The following SUSD6 variants were observed in gnomAD, a reference collection of about 807,000 sequenced individuals.
SUSD6 encodes the protein sushi domain-containing protein 6.
SUSD6 carries 16 observed loss-of-function variants against 28.4 expected under a neutral mutation model. The observed-to-expected ratio is 0.56, with a 90% confidence interval of 0.38 to 0.86. SUSD6 has a LOEUF of 0.86. Among genes scored for constraint, SUSD6 ranks in the 40% least tolerant of loss-of-function variants. SUSD6 has a pLI of 0.00. For missense variants in SUSD6, 341 were observed against 384.2 expected, an observed-to-expected ratio of 0.89 and a Z score of 0.94; for synonymous variants, 147 against 159.6, an observed-to-expected ratio of 0.92 and a Z score of 0.59.
At chr14:69,614,961 C>A (rs180745573) in intron 1 of SUSD6, among the ~76,000 whole-genome samples, 8 of 152,322 alleles carry the variant, frequency 5.3e-5, no homozygotes, top group Admixed American at 4.6e-4. Context: ...GACATGCTAT[C>A]TCCTAGTTGA....
At chr14:69,666,384 A>G (rs548664023) in intron 2 of SUSD6, among the ~76,000 whole-genome samples, 2 of 152,320 alleles carry the variant, frequency 1.3e-5, no homozygotes, top group East Asian at 3.9e-4. Context: ...TTTGTTAGGA[A>G]CATTTGGAGT....
intron 2 of SUSD6, among the ~76,000 whole-genome samples, chr14:69,686,299 TA>T (rs1886072367): frequency 6.6e-6 from 1 of 152,208 alleles, no homozygotes; most frequent in South Asian, 2.1e-4. Flanking sequence ...TATAATTAGA[TA>T]TTTTATGATC....
At chr14:69,668,176 T>G (rs1409068688) in intron 2 of SUSD6, among the ~76,000 whole-genome samples, 1 of 152,180 alleles carries the variant, frequency 6.6e-6, no homozygotes, top group Non-Finnish European at 1.5e-5. Flanking sequence ...TGAAAGTGTT[T>G]TCATGCCTCA....
chr14:69,681,678 T>C (rs1441725349), intron 2 of SUSD6, among the ~76,000 whole-genome samples: 2 of 152,214 alleles, frequency 1.3e-5, no homozygotes, highest in Non-Finnish European at 2.9e-5. Context: ...TTGAGAATGG[T>C]CGCTATAAAG....
chr14:69,618,427 A>G (rs1404777346), intron 1 of SUSD6, among the ~76,000 whole-genome samples: 1 of 152,236 alleles, frequency 6.6e-6, no homozygotes, highest in East Asian at 1.9e-4. Context: ...ACCAACAGCT[A>G]GTCTTGCTTT....
At chr14:69,682,746 G>C (rs1222182830) in intron 2 of SUSD6, among the ~76,000 whole-genome samples, 1 of 152,088 alleles carries the variant, frequency 6.6e-6, no homozygotes, top group Non-Finnish European at 1.5e-5. Flanking sequence ...GGCACCTTGG[G>C]CAATATCAGA....
chr14:69,629,524 C>T (rs996445836), intron 1 of SUSD6, among the ~76,000 whole-genome samples: 1 of 152,226 alleles, frequency 6.6e-6, no homozygotes, highest in Non-Finnish European at 1.5e-5. Context: ...TCCTAATTCC[C>T]TGCTACCTCA....
chr14:69,709,242 A>G (rs1886429304), intron 5 of SUSD6, 138 bp downstream of exon 5: 1 of 800,728 alleles, frequency 1.2e-6, no homozygotes, highest in Non-Finnish European at 1.9e-6. Context: ...TGCCTACAAA[A>G]TAGAATTTCA....
intron 1 of SUSD6, among the ~76,000 whole-genome samples, chr14:69,615,319 T>A (rs1253578742): frequency 6.6e-6 from 1 of 152,200 alleles, no homozygotes; most frequent in Non-Finnish European, 1.5e-5. Flanking sequence ...TGGCTTGGAT[T>A]CAAGGCAACA....
chr14:69,681,685 A>T (rs761337190), intron 2 of SUSD6, among the ~76,000 whole-genome samples: 2 of 152,218 alleles, frequency 1.3e-5, no homozygotes, highest in Non-Finnish European at 2.9e-5. Context: ...TGGTCGCTAT[A>T]AAGATGGGAA....
chr14:69,633,648 TA>T (rs1885226458), intron 1 of SUSD6, among the ~76,000 whole-genome samples: 1 of 152,268 alleles, frequency 6.6e-6, no homozygotes, highest in Admixed American at 6.5e-5. Context: ...CCTTATATTC[TA>T]ATCATTCATA....
chr14:69,622,544 G>A (rs1021960531), intron 1 of SUSD6, among the ~76,000 whole-genome samples: 2 of 152,138 alleles, frequency 1.3e-5, no homozygotes, highest in Non-Finnish European at 2.9e-5. Flanking sequence ...TGTTTACTGT[G>A]CAGACTGGAC....
At chr14:69,659,247 G>A (rs1448583936) in intron 2 of SUSD6, among the ~76,000 whole-genome samples, 2 of 152,226 alleles carry the variant, frequency 1.3e-5, no homozygotes, top group African/African-American at 4.8e-5. Context: ...CTCAGAATGA[G>A]TGGGTAGTTG....
At chr14:69,669,759 T>C (rs1490005806) in intron 2 of SUSD6, among the ~76,000 whole-genome samples, 3 of 152,220 alleles carry the variant, frequency 2.0e-5, no homozygotes, top group Non-Finnish European at 4.4e-5. Context: ...CACCCATCTC[T>C]CTTACCACTA....
chr14:69,708,447 T>C (rs564825912), intron 4 of SUSD6, among the ~76,000 whole-genome samples: 1 of 152,312 alleles, frequency 6.6e-6, no homozygotes, highest in African/African-American at 2.4e-5. Context: ...AGCTGTGTGA[T>C]TGAGGGCAAG....
At position 69,633,008 on chromosome 14, in the gene SUSD6, G is replaced by A. The variant is rs115509874; in HGVS notation, c.-81+21180G>A. Among the ~76,000 whole-genome samples, 682 of 152,228 alleles carry A rather than the reference G, an allele frequency of 4.5e-3. 5 individuals are homozygous for A. Among genetic ancestry groups the A allele is most frequent in the African/African-American group, 0.016 (664 of 41,520 alleles). ...CTGCTAGAACACGGTTCTCCTCTCCGGTGAGACTAGGTAAGAGAAAAAAGC... is the reference window on the plus strand; with the variant it reads ...CTGCTAGAACACGGTTCTCCTCTCCAGTGAGACTAGGTAAGAGAAAAAAGC... On this transcript the variant is annotated intron_variant, in intron 1 of 5. Transcript: ENST00000342745.
intron 2 of SUSD6, among the ~76,000 whole-genome samples, chr14:69,700,218 G>A (rs1233745424): frequency 6.6e-6 from 1 of 152,110 alleles, no homozygotes; most frequent in African/African-American, 2.4e-5. Context: ...TGATTTTGAG[G>A]CTGCTTTTCC....
chr14:69,702,875 T>C (rs974877497), intron 2 of SUSD6, among the ~76,000 whole-genome samples: 2 of 152,130 alleles, frequency 1.3e-5, no homozygotes, highest in Admixed American at 6.5e-5. Context: ...TTGACTACTA[T>C]AGTCAGAGAA....
intron 1 of SUSD6, among the ~76,000 whole-genome samples, chr14:69,652,234 G>A (rs1262063842): frequency 6.6e-6 from 1 of 152,126 alleles, no homozygotes; most frequent in Non-Finnish European, 1.5e-5. Flanking sequence ...ATCACTTGAG[G>A]TCAGGAGTTA....
Sources: gnomAD v4.1 joint callset for allele counts (sites outside exome capture counted in the v4.1 genomes callset) on GRCh38, gnomAD v4.1.1 for gene constraint, MANE v1.5 for transcripts, NCBI Gene and HGNC (gene_info 2026-07-23, HGNC 2026-07-21) for gene names.